The following HECW2 variants were observed in gnomAD, a reference collection of about 807,000 sequenced individuals.
The protein encoded by HECW2 is HECT, C2 and WW domain containing E3 ubiquitin protein ligase 2.
A neutral mutation model predicts 175.2 loss-of-function variants in HECW2; 61 were observed. The observed-to-expected ratio is 0.35, with a 90% CI of 0.28 to 0.43. The LOEUF is 0.43. HECW2 is among the 20% of genes least tolerant of loss of function. HECW2 has a pLI of 1.00. For missense variants in HECW2, 1,524 were observed against 2,000.5 expected (o/e 0.76, Z 4.54); for synonymous variants, 671 against 731.0 (o/e 0.92, Z 1.32).
intron 1 of HECW2, among the ~76,000 whole-genome samples, chr2:196,583,997 C>A (rs1214312383): frequency 1.3e-5 from 2 of 152,216 alleles, no homozygotes; most frequent in Non-Finnish European, 2.9e-5. Context: ...GAAGGCTAAA[C>A]ACACTGTCTC....
intron 2 of HECW2, among the ~76,000 whole-genome samples, chr2:196,383,955 T>C (rs1440455067): frequency 6.6e-6 from 1 of 152,176 alleles, no homozygotes; most frequent in Non-Finnish European, 1.5e-5. Context: ...CTCATATTAC[T>C]CATCTGTAAA....
chr2:196,430,740 G>T (rs772728995), intron 2 of HECW2, among the ~76,000 whole-genome samples: 2 of 152,120 alleles, frequency 1.3e-5, no homozygotes, highest in African/African-American at 2.4e-5. Flanking sequence ...TATCAAATTT[G>T]AATATCAAAG....
intron 1 of HECW2, among the ~76,000 whole-genome samples, chr2:196,447,060 AT>A (rs1277706280): frequency 1.3e-5 from 2 of 152,238 alleles, no homozygotes; most frequent in Admixed American, 1.3e-4. Context: ...CTAAATGAAT[AT>A]GCAACATGTG....
rs1690157297 is a variant in HECW2, at chr2:196,280,827, GCAC to G, written c.3001-2168_3001-2166del. Among the ~76,000 whole-genome samples, 3 of 152,270 alleles carry G rather than the reference GCAC, an allele frequency of 2.0e-5. No homozygotes were observed. The South Asian group carries it at 6.2e-4, about 32-fold the overall frequency. ...CATAAAATAGCAATTAAACTATTTTGCACCAATGGATGTGGCTAATACCTATTT... is the reference window on the plus strand; with the variant it reads ...CATAAAATAGCAATTAAACTATTTTGCAATGGATGTGGCTAATACCTATTT... On this transcript the variant is annotated intron_variant, in intron 14 of 28. Transcript: ENST00000644978.
At chr2:196,232,939 C>T (rs1575263591) in intron 21 of HECW2, among the ~76,000 whole-genome samples, 1 of 152,118 alleles carries the variant, frequency 6.6e-6, no homozygotes, top group East Asian at 1.9e-4. Context: ...CCTCTAAAGC[C>T]AAAATAGTCT....
rs147542162 is a variant in HECW2 at position 196,242,386 on chromosome 2, G to A, written c.3530-182C>T. On this transcript the variant is annotated intron_variant, in intron 19 of 28. Coordinates refer to ENST00000644978, the MANE Select transcript of HECW2 (RefSeq NM_001348768.2). ...AACCTCAACCAAGGTCTTAAGTGAC[G>A]TCCTCTTTGTGGCATTTTGGTTGAG... 94 of 654,648 alleles carry A rather than the reference G, an allele frequency of 1.4e-4. 1 individual carries two copies. The Admixed American group carries it at 2.1e-3, about 15-fold the overall frequency. The allele number at this position is 654,648 out of a possible 1,614,324, so 40.6% of individuals were successfully genotyped here.
intron 1 of HECW2, among the ~76,000 whole-genome samples, chr2:196,470,140 A>G (rs1697136729): frequency 6.6e-6 from 1 of 152,196 alleles, no homozygotes; most frequent in Non-Finnish European, 1.5e-5. Context: ...GCCAAGTAAC[A>G]GAGATACCAG....
intron 13 of HECW2, among the ~76,000 whole-genome samples, chr2:196,299,575 A>G (rs1690954998): frequency 1.3e-5 from 2 of 152,212 alleles, no homozygotes; most frequent in African/African-American, 4.8e-5. Context: ...CTGAACCAGA[A>G]TCTCTAAGAT....
rs369515496 is a variant in HECW2, at chr2:196,292,601, C to A, written c.2964G>T (p.Pro988=). ...NMFANKQLEL[P]RGWEMKHDHQ... ...GATCATGTTTCATTTCCCATCCCCG[C>A]GGCAGCTCTAGCTGTTTGTTCGCGA... Residue 988 remains proline, a synonymous_variant, in exon 14 of 29, where the codon CCG becomes CCT. Transcript: ENST00000644978. The A allele has an allele frequency of 1.2e-6, 2 of 1,613,880 alleles. No homozygotes were observed. The highest frequency in any genetic ancestry group is 8.5e-7 in the Non-Finnish European group (1 of 1,179,888).
intron 1 of HECW2, among the ~76,000 whole-genome samples, chr2:196,510,915 G>A (rs757919087): frequency 6.6e-6 from 1 of 152,106 alleles, no homozygotes; most frequent in Non-Finnish European, 1.5e-5. Context: ...CTCTAAAAAT[G>A]GGAATTTTTG....
At chr2:196,476,379 G>A (rs2125363202) in intron 1 of HECW2, among the ~76,000 whole-genome samples, 1 of 150,930 alleles carries the variant, frequency 6.6e-6, no homozygotes, top group East Asian at 2.0e-4. Flanking sequence ...GGAGGCAAAG[G>A]TTGCAATAAA....
At chr2:196,592,526 G>A (rs1170189163) in intron 1 of HECW2, 2 of 152,366 alleles carry the variant, frequency 1.3e-5, no homozygotes, top group Non-Finnish European at 2.9e-5. Context: ...TTTGCTCCAG[G>A]CCCCAAGCTC....
rs79807099 is a variant in HECW2 at position 196,447,342 on chromosome 2, T to C, written c.-35-13884A>G. ...ACTGAAGACGTAAAATTAGTCCCCA[T>C]TCAACCATTTCTCCCATACAATGAG... is the stretch of plus-strand genomic sequence containing the variant. On this transcript the variant is annotated intron_variant, in intron 1 of 28. Transcript: ENST00000644978. Among the ~76,000 whole-genome samples the C allele has an allele frequency of 8.5e-3, 1,294 of 152,226 alleles. 17 individuals carry two copies. Among genetic ancestry groups the C allele is most frequent in the African/African-American group, 0.029 (1,222 of 41,510 alleles).
At chr2:196,505,845 A>G (rs10167754) in intron 1 of HECW2, among the ~76,000 whole-genome samples, 52,917 of 152,096 alleles carry the variant, frequency 0.35, 12,641 homozygotes, top group African/African-American at 0.69. Flanking sequence ...CAAGCACTGG[A>G]GCTATCAATG....
chr2:196,413,855 A>C (rs1461104077), intron 2 of HECW2, among the ~76,000 whole-genome samples: 4 of 152,116 alleles, frequency 2.6e-5, no homozygotes, highest in Non-Finnish European at 5.9e-5. Flanking sequence ...ACCAGCCTGC[A>C]CTTCTCTTAG....
Position 196,497,772 on chromosome 2 carries a change from A to G in HECW2, c.-35-64314T>C, listed in dbSNP as rs186576878. Among the ~76,000 whole-genome samples, 682 of 152,352 alleles carry G rather than the reference A, an allele frequency of 4.5e-3. 6 individuals carry two copies. The highest frequency in any genetic ancestry group is 0.031 in the South Asian group (148 of 4,828). On this transcript the variant is annotated intron_variant, in intron 1 of 28. Coordinates refer to ENST00000644978, the MANE Select transcript of HECW2 (RefSeq NM_001348768.2). ...CTTTCCTTGCAAAACCTAGCCATAGAGAAGTTACCTAACCACAGAGGGTCC... is the reference window on the plus strand; with the variant it reads ...CTTTCCTTGCAAAACCTAGCCATAGGGAAGTTACCTAACCACAGAGGGTCC...
intron 1 of HECW2, among the ~76,000 whole-genome samples, chr2:196,527,725 A>C (rs1356383079): frequency 1.3e-5 from 2 of 152,272 alleles, no homozygotes. Flanking sequence ...TACATTGCAG[A>C]GAAACTTCAG....
chr2:196,574,910 A>C (rs1369631827), intron 1 of HECW2, among the ~76,000 whole-genome samples: 5 of 152,140 alleles, frequency 3.3e-5, no homozygotes, highest in Non-Finnish European at 5.9e-5. Flanking sequence ...AAGAATGCCA[A>C]GAACACATCA....
intron 2 of HECW2, among the ~76,000 whole-genome samples, chr2:196,429,983 C>T (rs1489520754): frequency 6.6e-6 from 1 of 152,196 alleles, no homozygotes; most frequent in Non-Finnish European, 1.5e-5. Context: ...AGAGGTTAAG[C>T]AGTGCTGGTG....
Sources: gnomAD v4.1 joint callset for allele counts (sites outside exome capture counted in the v4.1 genomes callset) on GRCh38, gnomAD v4.1.1 for gene constraint, MANE v1.5 for transcripts, NCBI Gene and HGNC (gene_info 2026-07-23, HGNC 2026-07-21) for gene names.